Variants in CEP112 observed in about 807,000 individuals in gnomAD.
The protein encoded by CEP112 is centrosomal protein of 112 kDa.
A neutral mutation model predicts 153.0 loss-of-function variants in CEP112; 127 were observed. The observed-to-expected ratio is 0.83, with a 90% CI of 0.72 to 0.96. CEP112 has a LOEUF of 0.96. Among genes scored for constraint, CEP112 ranks in the 40% least tolerant of loss-of-function variants. The pLI, the probability that CEP112 is intolerant of heterozygous loss-of-function variation, is 0.00. For synonymous variants in CEP112, 358 were observed against 374.4 expected, an observed-to-expected ratio of 0.96 and a Z score of 0.51; for missense variants, 1,089 against 1,101.2, an observed-to-expected ratio of 0.99 and a Z score of 0.16.
At chr17:65,862,253 G>A (rs1311597727) in intron 20 of CEP112, among the ~76,000 whole-genome samples, 1 of 152,146 alleles carries the variant, frequency 6.6e-6, no homozygotes, top group Non-Finnish European at 1.5e-5. Flanking sequence ...AGGAATATGG[G>A]AAAGGAAGGA....
chr17:66,136,732 A>C (rs1306466802), intron 4 of CEP112, among the ~76,000 whole-genome samples: 3 of 152,194 alleles, frequency 2.0e-5, no homozygotes, highest in Non-Finnish European at 1.5e-5. Flanking sequence ...CCCATGGTAC[A>C]AGACACAGAA....
chr17:65,718,805 G>A (rs1293322495), intron 23 of CEP112, among the ~76,000 whole-genome samples: 2 of 152,188 alleles, frequency 1.3e-5, no homozygotes, highest in Non-Finnish European at 2.9e-5. Flanking sequence ...AGACCAGAAA[G>A]TGTTCTTATC....
In CEP112 at chr17:65,949,290, G is replaced by A. The variant is rs577489726; in HGVS notation, c.1872+12173C>T. Among the ~76,000 whole-genome samples, 4 of 152,320 alleles carry A rather than the reference G, an allele frequency of 2.6e-5. No homozygotes were observed. In the East Asian group the frequency reaches 7.7e-4, roughly 29 times the overall value. On this transcript the variant is annotated intron_variant, in intron 18 of 26. Coordinates refer to ENST00000535342, the MANE Select transcript of CEP112 (RefSeq NM_001199165.4). ...TTGTTACTACACTCACACCAAAGGT[G>A]CTTTCTTTATTTCAGAAACCCAACT...
intron 8 of CEP112, among the ~76,000 whole-genome samples, chr17:66,072,379 T>A (rs563810843): frequency 6.6e-6 from 1 of 152,322 alleles, no homozygotes; most frequent in Admixed American, 6.5e-5. Context: ...TTTTTCATAA[T>A]CCAGGATCCA....
chr17:65,885,592 C>T (rs1325346547), intron 20 of CEP112, among the ~76,000 whole-genome samples: 2 of 152,196 alleles, frequency 1.3e-5, no homozygotes, highest in Non-Finnish European at 2.9e-5. Context: ...AGAGAAGCTG[C>T]ATCTTCAAAT....
chr17:65,771,602 AT>A lies in CEP112; in HGVS notation c.2395-20879del, dbSNP rs1339043874. Among the ~76,000 whole-genome samples the A allele has an allele frequency of 2.6e-5, 4 of 152,338 alleles. No homozygotes were observed. The East Asian group carries it at 7.7e-4, about 29-fold the overall frequency. On this transcript the variant is annotated intron_variant, in intron 21 of 26. Transcript: ENST00000535342. ...AATAAATTTCAGTAAATTAAAAAGG[AT>A]TGATCTCATACAGACTAAATGCTCT...
intron 20 of CEP112, among the ~76,000 whole-genome samples, chr17:65,901,087 A>C (rs1227609669): frequency 1.3e-5 from 2 of 152,200 alleles, no homozygotes; most frequent in Non-Finnish European, 2.9e-5. Flanking sequence ...CACTCAAAAA[A>C]ATTAACATCT....
rs766166714 is a variant in CEP112 at position 66,176,941 on chromosome 17, A to G, written c.186T>C (p.Asn62=). 1.2e-6 allele frequency: 2 copies of G among 1,613,982 alleles called. No homozygotes were observed. Among genetic ancestry groups the G allele is most frequent in the East Asian group, 4.5e-5 (2 of 44,872 alleles). The change falls in exon 3 of 27, where the codon AAT becomes AAC. Residue 62 remains asparagine (N), a synonymous_variant. Coordinates refer to ENST00000535342, the MANE Select transcript of CEP112 (RefSeq NM_001199165.4). ...ATAACAATTTTGCATACAGGTTCCG[A>G]TTCTTCCTCCCCATTATTCCTGCAC... ...GTGAGIMGRK[N]RNLYAKLLLH... is the part of the protein sequence containing the mutation.
chr17:65,801,532 G>T (rs1017882147), intron 21 of CEP112, among the ~76,000 whole-genome samples: 1 of 152,008 alleles, frequency 6.6e-6, no homozygotes, highest in African/African-American at 2.4e-5. Context: ...ACTTTTATAA[G>T]TTTTATAATT....
intron 12 of CEP112, among the ~76,000 whole-genome samples, chr17:66,050,006 A>G (rs1030316462): frequency 9.9e-5 from 12 of 121,502 alleles, no homozygotes; most frequent in African/African-American, 1.3e-4. Flanking sequence ...ACTCAGAACT[A>G]AATTAAAAAA....
chr17:66,066,012 A>T (rs1003029395), intron 10 of CEP112, among the ~76,000 whole-genome samples: 3 of 152,200 alleles, frequency 2.0e-5, no homozygotes, highest in Non-Finnish European at 4.4e-5. Flanking sequence ...CTATTTCAGC[A>T]TTCCCATCCC....
intron 20 of CEP112, among the ~76,000 whole-genome samples, chr17:65,867,275 C>T (rs996584543): frequency 6.6e-6 from 1 of 152,212 alleles, no homozygotes; most frequent in African/African-American, 2.4e-5. Context: ...TGCTCGCTCA[C>T]ATACTATTCA....
intron 21 of CEP112, among the ~76,000 whole-genome samples, chr17:65,769,833 G>C (rs2145495334): frequency 6.6e-6 from 1 of 152,002 alleles, no homozygotes; most frequent in Non-Finnish European, 1.5e-5. Context: ...AAAAAATGCT[G>C]ATCAGTTTTT....
chr17:65,856,422 A>G (rs2058122458), intron 20 of CEP112, among the ~76,000 whole-genome samples: 1 of 152,240 alleles, frequency 6.6e-6, no homozygotes. Context: ...TCTGCTTTTT[A>G]TCACATACTG....
chr17:66,007,535 C>T (rs899800079), intron 16 of CEP112, among the ~76,000 whole-genome samples: 2 of 152,130 alleles, frequency 1.3e-5, no homozygotes, highest in Non-Finnish European at 2.9e-5. Flanking sequence ...GCAACAAAAG[C>T]ACCATTTCAA....
rs890062780 is a variant in CEP112, at chr17:65,650,219, G to T, written c.2698-9154C>A. 2.0e-5 allele frequency among the ~76,000 whole-genome samples: 3 copies of T among 152,284 alleles called. No individual in the cohort carries two copies. The South Asian group carries it at 6.2e-4, about 32-fold the overall frequency. ...TCCATCTGGACATCTGGATGTTGGGGGCCCCTGCTCTGTGGTGATGTCAGG... is the reference window on the plus strand; with the variant it reads ...TCCATCTGGACATCTGGATGTTGGGTGCCCCTGCTCTGTGGTGATGTCAGG... On this transcript the variant is annotated intron_variant, in intron 24 of 26. Coordinates refer to ENST00000535342, the MANE Select transcript of CEP112 (RefSeq NM_001199165.4).
At chr17:65,661,881 T>G (rs1361264036) in intron 24 of CEP112, 1 of 152,192 alleles carries the variant, frequency 6.6e-6, no homozygotes, top group African/African-American at 2.4e-5. Context: ...CAAGAGAGAT[T>G]GACATCTATA....
At chr17:65,988,843 A>G (rs974803346) in intron 17 of CEP112, among the ~76,000 whole-genome samples, 1 of 152,140 alleles carries the variant, frequency 6.6e-6, no homozygotes, top group Non-Finnish European at 1.5e-5. Context: ...AAACAGTGAG[A>G]GGTAGAAAGC....
At chr17:65,973,112 A>G (rs79323171) in intron 17 of CEP112, among the ~76,000 whole-genome samples, 10,049 of 152,284 alleles carry the variant, frequency 0.066, 485 homozygotes, top group African/African-American at 0.12. Context: ...ATACAAAATT[A>G]CTAAAAAGTG....
Sources: allele counts gnomAD v4.1 joint callset (sites outside exome capture counted in the v4.1 genomes callset), GRCh38; gene constraint gnomAD v4.1.1; transcripts MANE v1.5; gene names NCBI Gene and HGNC (gene_info 2026-07-23, HGNC 2026-07-21).